Variants in MAP3K5 observed in about 807,000 individuals in gnomAD.
The protein encoded by MAP3K5 is ASK-1.
MAP3K5 carries 56 observed loss-of-function variants against 158.7 expected under a neutral mutation model. The ratio of observed to expected loss-of-function variants is 0.35; its 90% CI spans 0.28 to 0.44. The LOEUF (loss-of-function observed/expected upper bound fraction) is 0.44, where lower values mean the gene tolerates loss of function less well. MAP3K5 is among the 20% of genes least tolerant of loss of function. The probability of loss-of-function intolerance (pLI) is 1.00; values close to 1 mark genes in which losing one functional copy is unlikely to be tolerated. For missense variants in MAP3K5, 1,294 were observed against 1,674.8 expected (o/e 0.77, Z 3.97); for synonymous variants, 579 against 601.7 (o/e 0.96, Z 0.55).
intron 2 of MAP3K5, among the ~76,000 whole-genome samples, chr6:136,707,510 A>C (rs1019184590): frequency 1.3e-5 from 2 of 151,320 alleles, no homozygotes; most frequent in African/African-American, 2.4e-5. Context: ...GAGCTAAAGA[A>C]GACAGTTCAG....
At chr6:136,786,201 C>T (rs578105141) in intron 1 of MAP3K5, among the ~76,000 whole-genome samples, 7 of 151,904 alleles carry the variant, frequency 4.6e-5, no homozygotes, top group Non-Finnish European at 8.8e-5. Flanking sequence ...CAAGATGAAA[C>T]CCTGTCTCTA....
chr6:136,652,144 A>C (rs1367398071), intron 10 of MAP3K5, among the ~76,000 whole-genome samples: 1 of 152,194 alleles, frequency 6.6e-6, no homozygotes, highest in East Asian at 1.9e-4. Context: ...ACAGATTCAT[A>C]ATACAGTAAA....
chr6:136,715,676 T>C (rs1356269553), intron 2 of MAP3K5, among the ~76,000 whole-genome samples: 1 of 152,156 alleles, frequency 6.6e-6, no homozygotes, highest in African/African-American at 2.4e-5. Context: ...TTGAGATATA[T>C]TGATATTGAC....
In MAP3K5 at chr6:136,650,977, A is replaced by G; in HGVS notation, c.1788+7T>C. ...AATGCTCTTGTGTTAATAACTGCACAATTTACCTTGTCATCAGGAAGCACG... is the reference window on the plus strand; with the variant it reads ...AATGCTCTTGTGTTAATAACTGCACGATTTACCTTGTCATCAGGAAGCACG... On this transcript the variant is annotated splice_region_variant and intron_variant, in intron 11 of 29. Coordinates refer to ENST00000359015, the MANE Select transcript of MAP3K5 (RefSeq NM_005923.4). 3 of 1,584,208 alleles carry G rather than the reference A, an allele frequency of 1.9e-6. No individual in the cohort carries two copies. In the African/African-American group the frequency reaches 4.0e-5, roughly 21 times the overall value.
chr6:136,642,347 G>A (rs1778020874), intron 12 of MAP3K5, among the ~76,000 whole-genome samples, 173 bp downstream of exon 12: 1 of 152,118 alleles, frequency 6.6e-6, no homozygotes, highest in Admixed American at 6.5e-5. Flanking sequence ...ACATTTTGTT[G>A]CAAATCTCTT....
chr6:136,680,857 A>C (rs1053048502), intron 7 of MAP3K5, among the ~76,000 whole-genome samples: 1 of 152,154 alleles, frequency 6.6e-6, no homozygotes, highest in Admixed American at 6.5e-5. Flanking sequence ...AAAGATGGGA[A>C]GAGATACCCT....
rs572192033 is a variant in MAP3K5, at chr6:136,654,908, A to G, written c.1680+1399T>C. Among the ~76,000 whole-genome samples, 7 of 152,118 alleles carry G rather than the reference A, an allele frequency of 4.6e-5. No homozygotes were observed. The East Asian group carries it at 1.4e-3, about 29-fold the overall frequency. On this transcript the variant is annotated intron_variant, in intron 10 of 29. Transcript: ENST00000359015. Reference sequence around the variant, plus strand: ...AATCAAACAAAAATATCCATTTTTTAGTGAAATCAAGTTGGTGAATATTTT... The same window carrying G: ...AATCAAACAAAAATATCCATTTTTTGGTGAAATCAAGTTGGTGAATATTTT...
chr6:136,750,313 A>G (rs1783147884), intron 1 of MAP3K5, among the ~76,000 whole-genome samples: 1 of 152,168 alleles, frequency 6.6e-6, no homozygotes, highest in Non-Finnish European at 1.5e-5. Context: ...CCTGGCCTCA[A>G]GTGATCTGCC....
Position 136,777,843 on chromosome 6 carries a change from T to C in MAP3K5, c.448+13867A>G, listed in dbSNP as rs533016665. ...GAATGCTTGGCATTCAGGTTGACAA[T>C]TTTCTGTCAGCCAAGAACCACACAC... On this transcript the variant is annotated intron_variant, in intron 1 of 29. Coordinates refer to ENST00000359015, the MANE Select transcript of MAP3K5 (RefSeq NM_005923.4). Among the ~76,000 whole-genome samples, 29 of 131,642 alleles carry C rather than the reference T, an allele frequency of 2.2e-4. No individual in the cohort carries two copies. The Admixed American group carries it at 2.2e-3, about 10-fold the overall frequency. 86.4% of individuals were successfully genotyped at this position (131,642 alleles called of 152,430 possible).
At chr6:136,668,631 C>T (rs562814185) in intron 8 of MAP3K5, among the ~76,000 whole-genome samples, 1 of 152,032 alleles carries the variant, frequency 6.6e-6, no homozygotes, top group Non-Finnish European at 1.5e-5. Flanking sequence ...AAGCCAAAAC[C>T]AAGAAAATCA....
intron 26 of MAP3K5, among the ~76,000 whole-genome samples, chr6:136,564,906 C>G (rs1271584406): frequency 1.3e-5 from 2 of 152,196 alleles, no homozygotes; most frequent in Non-Finnish European, 2.9e-5. Flanking sequence ...TGAACGCCAA[C>G]CCATAACAAA....
At chr6:136,648,850 T>C (rs1283354610) in intron 11 of MAP3K5, among the ~76,000 whole-genome samples, 2 of 152,252 alleles carry the variant, frequency 1.3e-5, no homozygotes, top group Non-Finnish European at 2.9e-5. Flanking sequence ...ATGGACATGC[T>C]GTGTTGTTTT....
At chr6:136,598,095 G>C (rs1775712083) in intron 21 of MAP3K5, among the ~76,000 whole-genome samples, 1 of 152,308 alleles carries the variant, frequency 6.6e-6, no homozygotes, top group Non-Finnish European at 1.5e-5. Context: ...TTCATAAGGA[G>C]CCCTTTGGGA....
chr6:136,766,746 T>A (rs921424052), intron 1 of MAP3K5, among the ~76,000 whole-genome samples: 1 of 152,248 alleles, frequency 6.6e-6, no homozygotes, highest in African/African-American at 2.4e-5. Flanking sequence ...ATCTTAATGC[T>A]AAAATGTACT....
intron 17 of MAP3K5, 71 bp from the exon 18 acceptor site, chr6:136,611,458 T>C: frequency 1.2e-6 from 1 of 819,614 alleles, no homozygotes; most frequent in Non-Finnish European, 2.0e-6. Flanking sequence ...ACTTGGTAAG[T>C]CCAATTTAAA....
chr6:136,649,385 T>C (rs1431266676), intron 11 of MAP3K5, among the ~76,000 whole-genome samples: 1 of 152,238 alleles, frequency 6.6e-6, no homozygotes, highest in Non-Finnish European at 1.5e-5. Flanking sequence ...AAGTCAAGGA[T>C]GTAATAATTC....
At chr6:136,572,832 ATCTGGTTCTTTT>A (rs1774431329) in intron 25 of MAP3K5, among the ~76,000 whole-genome samples, 1 of 152,216 alleles carries the variant, frequency 6.6e-6, no homozygotes, top group Non-Finnish European at 1.5e-5. Context: ...GACACAGAAC[ATCTGGTTCTTTT>A]TCTCAAAGAG....
intron 25 of MAP3K5, 31 bp from the exon 26 acceptor site, chr6:136,567,905 A>G (rs1299803213): frequency 2.5e-6 from 4 of 1,603,428 alleles, no homozygotes; most frequent in Non-Finnish European, 1.7e-6. Context: ...GGTAGTGTTT[A>G]TAAAATATGA....
At chr6:136,651,330 T>C (rs2114401406) in intron 10 of MAP3K5, among the ~76,000 whole-genome samples, 1 of 152,332 alleles carries the variant, frequency 6.6e-6, no homozygotes, top group South Asian at 2.1e-4. Context: ...CTAATAAGGT[T>C]AGAAATAAAT....
Sources: gnomAD v4.1 joint callset for allele counts (sites outside exome capture counted in the v4.1 genomes callset) on GRCh38, gnomAD v4.1.1 for gene constraint, MANE v1.5 for transcripts, NCBI Gene and HGNC (gene_info 2026-07-23, HGNC 2026-07-21) for gene names.